SLC39A9: variants seen among roughly 807,000 people sequenced by gnomAD.
The protein encoded by SLC39A9 is zinc transporter ZIP9.
In SLC39A9, 14 loss-of-function variants were observed where a neutral mutation model predicts 28.4. The observed-to-expected ratio is 0.49, with a 90% CI of 0.33 to 0.77. SLC39A9 has a LOEUF of 0.77. Among genes scored for constraint, SLC39A9 ranks in the 30% least tolerant of loss-of-function variants. The pLI is 0.02. For synonymous variants in SLC39A9, 119 were observed against 149.6 expected (o/e 0.80, Z 1.49); for missense variants, 283 against 381.1 (o/e 0.74, Z 2.14).
intron 1 of SLC39A9, among the ~76,000 whole-genome samples, chr14:69,412,802 G>A (rs1464274041): frequency 6.6e-6 from 1 of 152,144 alleles, no homozygotes; most frequent in Non-Finnish European, 1.5e-5. Flanking sequence ...AGTGTTGAGT[G>A]GATATTTAAC....
Position 69,461,678 on chromosome 14 carries a change from G to C in SLC39A9, c.*3085G>C, listed in dbSNP as rs922042742. On this transcript the variant is annotated 3_prime_UTR_variant, in exon 7 of 7. Coordinates refer to ENST00000336643, the MANE Select transcript of SLC39A9 (RefSeq NM_018375.5). Reference sequence around the variant, plus strand: ...AGCCTACTTCTAAGTGTCACTGCCTGGTTTTTCTCTTTTTCAAGGATTAGA... The same window carrying C: ...AGCCTACTTCTAAGTGTCACTGCCTCGTTTTTCTCTTTTTCAAGGATTAGA... 1.8e-5 allele frequency: 27 copies of C among 1,535,698 alleles called. No homozygotes were observed. The highest frequency in any genetic ancestry group is 3.3e-4 in the Middle Eastern group (2 of 6,008).
intron 2 of SLC39A9, among the ~76,000 whole-genome samples, chr14:69,440,412 C>T (rs1884986426): frequency 6.6e-6 from 1 of 152,088 alleles, no homozygotes; most frequent in African/African-American, 2.4e-5. Context: ...GGCAAAACTA[C>T]ATCTCCACAA....
At chr14:69,417,944 T>C (rs1205235424) in intron 1 of SLC39A9, among the ~76,000 whole-genome samples, 2 of 152,194 alleles carry the variant, frequency 1.3e-5, no homozygotes, top group African/African-American at 4.8e-5. Flanking sequence ...CTTTTCCTAA[T>C]TGAATACCCT....
At chr14:69,457,019 A>G (rs1366948985) in intron 6 of SLC39A9, among the ~76,000 whole-genome samples, 2 of 152,166 alleles carry the variant, frequency 1.3e-5, no homozygotes, top group Admixed American at 6.5e-5. Flanking sequence ...ACCTTTTGAC[A>G]GGAAGGTGCT....
In SLC39A9 at chr14:69,399,214, A is replaced by G; in HGVS notation, c.-156A>G. On this transcript the variant is annotated 5_prime_UTR_variant, in exon 1 of 7. Transcript: ENST00000336643. ...TCTGTTGCCGGGTACGTTCAAGAGG[A>G]AGGTGCCTCGTGAACACATCTGCTG... 7.7e-6 allele frequency: 5 copies of G among 651,524 alleles called. No individual in the cohort carries two copies. The highest frequency in any genetic ancestry group is 1.4e-5 in the Non-Finnish European group (5 of 368,748). The allele number at this position is 651,524 out of a possible 1,614,324, so 40.4% of individuals were successfully genotyped here. A position where few individuals can be genotyped will look rare whatever the true frequency, so the allele number is the denominator to read the frequency against.
intron 3 of SLC39A9, among the ~76,000 whole-genome samples, chr14:69,450,827 G>A (rs1885572774): frequency 6.6e-6 from 1 of 152,138 alleles, no homozygotes; most frequent in Non-Finnish European, 1.5e-5. Flanking sequence ...ATCCTATACA[G>A]AGAGTTAAAT....
chr14:69,456,222 C>T (rs991502424), intron 6 of SLC39A9, among the ~76,000 whole-genome samples: 3 of 152,136 alleles, frequency 2.0e-5, no homozygotes, highest in South Asian at 2.1e-4. Context: ...ACACCTGAAG[C>T]GTGAGTAACA....
chr14:69,403,876 T>C (rs1464363426), intron 1 of SLC39A9, among the ~76,000 whole-genome samples: 4 of 152,076 alleles, frequency 2.6e-5, no homozygotes, highest in Non-Finnish European at 5.9e-5. Context: ...AAACCCTGTG[T>C]CTACTGAAAA....
chr14:69,453,519 G>A (rs1454941444), intron 4 of SLC39A9, among the ~76,000 whole-genome samples: 1 of 150,802 alleles, frequency 6.6e-6, no homozygotes, highest in Non-Finnish European at 1.5e-5. Context: ...CTTTTTAATG[G>A]TTTAAAAAAA....
intron 3 of SLC39A9, among the ~76,000 whole-genome samples, chr14:69,452,268 C>T (rs193196189): frequency 6.6e-6 from 1 of 152,248 alleles, no homozygotes; most frequent in East Asian, 1.9e-4. Flanking sequence ...GCAGTTTGCC[C>T]TGAATTTGAA....
Position 69,442,086 on chromosome 14 carries a change from A to C in SLC39A9, c.223A>C (p.Ser75Arg). 6.2e-7 allele frequency: 1 copy of C among 1,614,152 alleles called. No individual in the cohort carries two copies. The highest frequency in any genetic ancestry group is 1.1e-5 in the South Asian group (1 of 91,074). ...DILEGKHHQA[S>R]ETHNVIASDK... ...TGCTCTAGGAAAACACCACCAAGCA[A>C]GTGAAACACATAATGTGATTGCATC... The change falls in exon 3 of 7, where the codon AGT (serine) becomes CGT (arginine). Residue 75 changes from serine (S) to arginine (R), a missense_variant. Physicochemically the swap from Ser to Arg is moderately radical, Grantham distance 110. Coordinates refer to ENST00000336643, the MANE Select transcript of SLC39A9 (RefSeq NM_018375.5).
chr14:69,421,813 G>T (rs759074508), intron 1 of SLC39A9, among the ~76,000 whole-genome samples: 1 of 152,200 alleles, frequency 6.6e-6, no homozygotes, highest in East Asian at 1.9e-4. Context: ...GCTAAGCAAG[G>T]AGCGGGATAT....
chr14:69,453,972 G>A (rs554085214), intron 4 of SLC39A9, among the ~76,000 whole-genome samples: 33 of 152,288 alleles, frequency 2.2e-4, no homozygotes, highest in African/African-American at 7.7e-4. Context: ...GAGCCTTGGC[G>A]CTTCTGTCCT....
rs1885081187 is a variant in SLC39A9 at position 69,442,193 on chromosome 14, T to G, written c.330T>G (p.Val110=). The G allele has an allele frequency of 6.2e-7, 1 of 1,614,222 alleles. No homozygotes were observed. The highest frequency in any genetic ancestry group is 1.1e-5 in the South Asian group (1 of 91,090). The change falls in exon 3 of 7, where the codon GTT becomes GTG. Residue 110 remains valine (V), a synonymous_variant. Transcript: ENST00000336643. ...CACAGCTGCATGCCTATATTGGTGTTTCCCTCGTTCTGGGCTTCGTTTTCA... is the reference window on the plus strand; with the variant it reads ...CACAGCTGCATGCCTATATTGGTGTGTCCCTCGTTCTGGGCTTCGTTTTCA... ...DHTQLHAYIG[V]SLVLGFVFML... is the part of the protein sequence containing the mutation.
intron 1 of SLC39A9, among the ~76,000 whole-genome samples, chr14:69,411,248 G>C (rs142781945): frequency 6.6e-6 from 1 of 151,690 alleles, no homozygotes; most frequent in African/African-American, 2.4e-5. Flanking sequence ...AAAATTGTTG[G>C]CTTGTCTTTA....
rs555221754 is a variant in SLC39A9, at chr14:69,458,968, G to C, written c.*375G>C. On this transcript the variant is annotated 3_prime_UTR_variant, in exon 7 of 7. Coordinates refer to ENST00000336643, the MANE Select transcript of SLC39A9 (RefSeq NM_018375.5). ...ATACAGTGTTCTGTAATTAAGCTATGTCTCTTTCTTCTTAGTTTAGAGGCT... is the reference window on the plus strand; with the variant it reads ...ATACAGTGTTCTGTAATTAAGCTATCTCTCTTTCTTCTTAGTTTAGAGGCT... 1 of 1,001,452 alleles carries C rather than the reference G, an allele frequency of 1.0e-6. No individual in the cohort carries two copies. The highest frequency in any genetic ancestry group is 4.5e-5 in the South Asian group (1 of 22,110). The allele number at this position is 1,001,452 out of a possible 1,614,324, so 62.0% of individuals were successfully genotyped here.
At chr14:69,453,065 G>A (rs567190840) in intron 3 of SLC39A9, among the ~76,000 whole-genome samples, 176 bp from the exon 4 acceptor site, 4 of 152,142 alleles carry the variant, frequency 2.6e-5, no homozygotes, top group African/African-American at 4.8e-5. Context: ...GGCCGGGTGC[G>A]GTGGCTCACG....
At chr14:69,437,520 CA>C (rs1326373980) in intron 2 of SLC39A9, among the ~76,000 whole-genome samples, 4 of 152,042 alleles carry the variant, frequency 2.6e-5, no homozygotes, top group Non-Finnish European at 5.9e-5. Context: ...GTAACATGGC[CA>C]GCATCAGATG....
At chr14:69,451,071 T>C (rs1282151780) in intron 3 of SLC39A9, among the ~76,000 whole-genome samples, 2 of 152,246 alleles carry the variant, frequency 1.3e-5, no homozygotes, top group East Asian at 3.8e-4. Context: ...AACTGGATGA[T>C]AAGCCTTTGT....
Sources: gnomAD v4.1 joint callset for allele counts (sites outside exome capture counted in the v4.1 genomes callset) on GRCh38, gnomAD v4.1.1 for gene constraint, MANE v1.5 for transcripts, NCBI Gene and HGNC (gene_info 2026-07-23, HGNC 2026-07-21) for gene names.